Variants in SOX5 observed in about 807,000 individuals in gnomAD.
SOX5 encodes SRY-box transcription factor 5.
A neutral mutation model predicts 92.0 loss-of-function variants in SOX5; 9 were observed. That is an observed-to-expected ratio of 0.10 (90% CI 0.06 to 0.17). The LOEUF (loss-of-function observed/expected upper bound fraction) is 0.17. SOX5 is among the 10% of genes least tolerant of loss of function. SOX5 has a pLI of 1.00. For synonymous variants in SOX5, 344 were observed against 336.3 expected (o/e 1.02, Z -0.25); for missense variants, 642 against 944.5 (o/e 0.68, Z 4.20).
At chr12:24,302,399 T>C (rs1948077634) in intron 2 of SOX5, among the ~76,000 whole-genome samples, 1 of 152,196 alleles carries the variant, frequency 6.6e-6, no homozygotes, top group African/African-American at 2.4e-5. Context: ...AAGGGTTCTA[T>C]ACAAGTACTT....
At chr12:24,106,376 T>C (rs931074069) in intron 4 of SOX5, among the ~76,000 whole-genome samples, 1 of 152,136 alleles carries the variant, frequency 6.6e-6, no homozygotes, top group Non-Finnish European at 1.5e-5. Flanking sequence ...CATTATTCTA[T>C]TGGGGAAATA....
chr12:23,849,922 T>C (rs2096613007), intron 2 of SOX5, among the ~76,000 whole-genome samples: 1 of 152,172 alleles, frequency 6.6e-6, no homozygotes, highest in South Asian at 2.1e-4. Context: ...CCAGCATCCT[T>C]TCCAGTAAAA....
At chr12:23,744,790 T>C (rs1249942050) in intron 4 of SOX5, among the ~76,000 whole-genome samples, 3 of 152,192 alleles carry the variant, frequency 2.0e-5, no homozygotes, top group Non-Finnish European at 4.4e-5. Context: ...AGGGCTGCCA[T>C]AACAAAGTAC....
intron 4 of SOX5, among the ~76,000 whole-genome samples, chr12:24,170,478 C>T (rs1301797638): frequency 6.6e-6 from 1 of 152,168 alleles, no homozygotes; most frequent in Non-Finnish European, 1.5e-5. Context: ...CAGACATACA[C>T]AGAACCAGGA....
intron 10 of SOX5, among the ~76,000 whole-genome samples, chr12:23,569,366 A>G (rs1947735692): frequency 6.6e-6 from 1 of 152,224 alleles, no homozygotes; most frequent in South Asian, 2.1e-4. Context: ...AGTGTAAGAA[A>G]TACAAAATTA....
At chr12:24,509,055 T>C (rs1211163038) in intron 1 of SOX5, among the ~76,000 whole-genome samples, 3 of 152,180 alleles carry the variant, frequency 2.0e-5, no homozygotes, top group Non-Finnish European at 2.9e-5. Flanking sequence ...AATGACCTAC[T>C]TTGCTCATCC....
chr12:23,834,644 G>A (rs758766242), intron 3 of SOX5, among the ~76,000 whole-genome samples: 5 of 151,892 alleles, frequency 3.3e-5, no homozygotes, highest in Non-Finnish European at 7.4e-5. Flanking sequence ...TCAAAAGTAA[G>A]GAGTTTAACA....
intron 6 of SOX5, among the ~76,000 whole-genome samples, chr12:23,700,472 A>G (rs2090474557): frequency 6.6e-6 from 1 of 152,114 alleles, no homozygotes; most frequent in Non-Finnish European, 1.5e-5. Context: ...ACCAAAAACT[A>G]GTTGATTCAA....
intron 4 of SOX5, among the ~76,000 whole-genome samples, chr12:24,033,366 T>C (rs945170631): frequency 6.6e-6 from 1 of 152,130 alleles, no homozygotes; most frequent in Admixed American, 6.6e-5. Flanking sequence ...AGATTTTTTA[T>C]GTCTAACTTT....
chr12:24,499,826 G>A (rs1448888005), intron 1 of SOX5, among the ~76,000 whole-genome samples: 1 of 149,836 alleles, frequency 6.7e-6, no homozygotes, highest in Non-Finnish European at 1.5e-5. Flanking sequence ...ACTTAGTGCT[G>A]TTAACTATTG....
At chr12:24,526,250 G>C (rs891596958) in intron 1 of SOX5, among the ~76,000 whole-genome samples, 5 of 152,160 alleles carry the variant, frequency 3.3e-5, no homozygotes, top group African/African-American at 1.2e-4. Context: ...GGCACTAAAA[G>C]AGTGTTTTTC....
intron 2 of SOX5, among the ~76,000 whole-genome samples, chr12:23,889,500 T>C (rs1488332325): frequency 2.0e-5 from 3 of 152,202 alleles, no homozygotes; most frequent in African/African-American, 7.2e-5. Flanking sequence ...AAGACATAGC[T>C]ATAATACAGC....
chr12:24,057,586 T>G (rs1375766596), intron 4 of SOX5, among the ~76,000 whole-genome samples: 3 of 152,244 alleles, frequency 2.0e-5, no homozygotes, highest in Non-Finnish European at 4.4e-5. Flanking sequence ...TTATTAGTAG[T>G]AACCGATAAT....
rs67299596 is a variant in SOX5, at chr12:23,853,543, GT to G, written c.271-7351del. Among the ~76,000 whole-genome samples, 978 of 128,974 alleles carry G rather than the reference GT, an allele frequency of 7.6e-3. 4 individuals carry two copies. Among genetic ancestry groups the G allele is most frequent in the Middle Eastern group, 0.02 (5 of 244 alleles). The allele number at this position is 128,974 out of a possible 152,430, so 84.6% of individuals were successfully genotyped here. On this transcript the variant is annotated intron_variant, in intron 2 of 14. Coordinates refer to ENST00000451604, the MANE Select transcript of SOX5 (RefSeq NM_006940.6). ...CTGCATGGGCAAAAGTGTCTAACGT[GT>G]TTTTTTTTTTTTTTTTTACCCCAAA...
At chr12:23,710,671 T>C (rs955445339) in intron 6 of SOX5, among the ~76,000 whole-genome samples, 1 of 152,222 alleles carries the variant, frequency 6.6e-6, no homozygotes, top group African/African-American at 2.4e-5. Context: ...TCCAAGTCTT[T>C]GCTATTGTGA....
At chr12:24,207,044 A>C (rs1458063334) in intron 4 of SOX5, among the ~76,000 whole-genome samples, 1 of 152,154 alleles carries the variant, frequency 6.6e-6, no homozygotes, top group Non-Finnish European at 1.5e-5. Flanking sequence ...TCTGTCCAAA[A>C]ACTTCTCAGT....
intron 3 of SOX5, among the ~76,000 whole-genome samples, chr12:23,818,937 C>A (rs561003162): frequency 4.0e-4 from 61 of 152,232 alleles, no homozygotes; most frequent in African/African-American, 1.2e-3. Context: ...TATGAGACCC[C>A]CCTGTGATCT....
At chr12:24,307,929 A>G (rs1161069847) in intron 2 of SOX5, among the ~76,000 whole-genome samples, 1 of 152,146 alleles carries the variant, frequency 6.6e-6, no homozygotes. Flanking sequence ...CAGGAATGTC[A>G]GGAGACCATC....
chr12:23,967,637 A>G (rs1947752269), intron 4 of SOX5, among the ~76,000 whole-genome samples: 1 of 152,180 alleles, frequency 6.6e-6, no homozygotes, highest in Non-Finnish European at 1.5e-5. Context: ...ACTACATTTT[A>G]TCTCTGCAAT....
Sources: gnomAD v4.1 joint callset for allele counts (sites outside exome capture counted in the v4.1 genomes callset) on GRCh38, gnomAD v4.1.1 for gene constraint, MANE v1.5 for transcripts, NCBI Gene and HGNC (gene_info 2026-07-23, HGNC 2026-07-21) for gene names.